Variants in SENP6 observed in about 807,000 individuals in gnomAD.
The protein encoded by SENP6 is SUMO specific peptidase 6.
In SENP6, 41 loss-of-function variants were observed where a neutral mutation model predicts 134.5. The ratio of observed to expected loss-of-function variants is 0.30; its 90% CI spans 0.24 to 0.40. The LOEUF is 0.40. SENP6 is among the 10% of genes least tolerant of loss of function. The probability of loss-of-function intolerance (pLI) is 1.00; values close to 1 mark genes in which losing one functional copy is unlikely to be tolerated. For missense variants in SENP6, 1,248 were observed against 1,312.5 expected (o/e 0.95, Z 0.76); for synonymous variants, 395 against 429.8 (o/e 0.92, Z 1.00).
chr6:75,663,652 C>A, intron 9 of SENP6, 134 bp downstream of exon 9: 1 of 690,660 alleles, frequency 1.4e-6, no homozygotes, highest in African/African-American at 1.8e-5. Context: ...TGTTCTCATC[C>A]TGTCCATCTT....
chr6:75,688,184 G>A (rs1773982168), intron 16 of SENP6, among the ~76,000 whole-genome samples: 1 of 152,236 alleles, frequency 6.6e-6, no homozygotes, highest in African/African-American at 2.4e-5. Context: ...GGCTCCATGG[G>A]CGTGGGAGCC....
intron 3 of SENP6, among the ~76,000 whole-genome samples, chr6:75,627,740 A>G (rs1158299761): frequency 6.6e-6 from 1 of 152,074 alleles, no homozygotes; most frequent in African/African-American, 2.4e-5. Flanking sequence ...CAGTGGTGTG[A>G]TCTCAGCTCA....
chr6:75,640,037 T>G (rs2149842917), intron 5 of SENP6, among the ~76,000 whole-genome samples: 1 of 152,296 alleles, frequency 6.6e-6, no homozygotes, highest in South Asian at 2.1e-4. Context: ...TATGATAACA[T>G]TATTGAATTT....
intron 1 of SENP6, among the ~76,000 whole-genome samples, chr6:75,610,290 A>G (rs898026586): frequency 2.6e-5 from 4 of 152,214 alleles, no homozygotes; most frequent in Admixed American, 1.3e-4. Flanking sequence ...CTAAAAGTAA[A>G]ACAGTATCTT....
intron 3 of SENP6, 40 bp downstream of exon 3, chr6:75,624,000 T>C (rs779633491): frequency 7.4e-6 from 11 of 1,489,506 alleles, no homozygotes; most frequent in Admixed American, 3.8e-5. Context: ...TTACATTATA[T>C]ACAAAAAAAT....
At chr6:75,620,214 A>C (rs1398293391) in intron 1 of SENP6, among the ~76,000 whole-genome samples, 1 of 152,032 alleles carries the variant, frequency 6.6e-6, no homozygotes, top group Non-Finnish European at 1.5e-5. Flanking sequence ...GGATATTTTA[A>C]TTATGGGTTT....
intron 7 of SENP6, among the ~76,000 whole-genome samples, chr6:75,652,246 C>T (rs914878524): frequency 3.3e-5 from 5 of 151,178 alleles, no homozygotes; most frequent in Non-Finnish European, 5.9e-5. Context: ...TTTTTGACCT[C>T]GTGATCCGCC....
chr6:75,696,392 A>G (rs942567325), intron 17 of SENP6, among the ~76,000 whole-genome samples: 1 of 152,208 alleles, frequency 6.6e-6, no homozygotes, highest in Non-Finnish European at 1.5e-5. Context: ...CTAAGAAAGG[A>G]ACCTGTGAAT....
intron 11 of SENP6, 96 bp from the exon 12 acceptor site, chr6:75,675,339 G>A (rs539726984): frequency 1.2e-5 from 8 of 683,090 alleles, no homozygotes; most frequent in Admixed American, 3.1e-5. Context: ...AGAGATAAAC[G>A]AGTAATATAA....
At chr6:75,680,658 T>C (rs1466482040) in intron 16 of SENP6, among the ~76,000 whole-genome samples, 2 of 152,172 alleles carry the variant, frequency 1.3e-5, no homozygotes, top group Non-Finnish European at 2.9e-5. Context: ...AGTATAATTT[T>C]GAGTTCACAA....
intron 7 of SENP6, among the ~76,000 whole-genome samples, chr6:75,651,390 A>C (rs776518048): frequency 6.6e-6 from 1 of 152,128 alleles, no homozygotes. Context: ...GTCTTGCTCT[A>C]TTACCCAGGC....
chr6:75,697,723 C>T, intron 18 of SENP6: 1 of 453,414 alleles, frequency 2.2e-6, no homozygotes, highest in Non-Finnish European at 4.0e-6. Flanking sequence ...AGACAATAGA[C>T]CAGATACCTT....
intron 1 of SENP6, 119 bp downstream of exon 1, chr6:75,602,695 G>C (rs1029381858): frequency 9.7e-6 from 10 of 1,035,272 alleles, no homozygotes; most frequent in African/African-American, 1.6e-5. Context: ...TGAAGTACGA[G>C]GGATGAGCGA....
chr6:75,622,932 TTAAAA>T, intron 2 of SENP6: 2 of 643,042 alleles, frequency 3.1e-6, no homozygotes, highest in Non-Finnish European at 4.5e-6. Context: ...TCTGATTACT[TTAAAA>T]TATAAAACAA....
intron 16 of SENP6, among the ~76,000 whole-genome samples, chr6:75,685,166 A>G (rs1455838737): frequency 1.3e-5 from 2 of 151,650 alleles, no homozygotes; most frequent in Non-Finnish European, 2.9e-5. Context: ...TTTTTTCTAG[A>G]TTTTCTAGAT....
chr6:75,615,439 C>T (rs1767782638), intron 1 of SENP6, among the ~76,000 whole-genome samples: 1 of 152,172 alleles, frequency 6.6e-6, no homozygotes, highest in East Asian at 1.9e-4. Flanking sequence ...CTCGCCCTCC[C>T]AAAGTGCTGG....
At chr6:75,634,380 G>A (rs1769346172) in intron 4 of SENP6, among the ~76,000 whole-genome samples, 1 of 152,054 alleles carries the variant, frequency 6.6e-6, no homozygotes, top group African/African-American at 2.4e-5. Flanking sequence ...CCGAGTAGCT[G>A]GGATTACAGG....
intron 16 of SENP6, among the ~76,000 whole-genome samples, chr6:75,690,969 G>T (rs1475519746): frequency 6.7e-6 from 1 of 150,292 alleles, no homozygotes; most frequent in Non-Finnish European, 1.5e-5. Flanking sequence ...TTCCCAAAGT[G>T]CTGGGATTAC....
At chr6:75,690,724 C>T (rs1431919321) in intron 16 of SENP6, among the ~76,000 whole-genome samples, 49 of 145,460 alleles carry the variant, frequency 3.4e-4, no homozygotes, top group African/African-American at 1.1e-3. Flanking sequence ...ATGAGAGTCT[C>T]GCTCTGTCAC....
Sources: allele counts gnomAD v4.1 joint callset (sites outside exome capture counted in the v4.1 genomes callset), GRCh38; gene constraint gnomAD v4.1.1; transcripts MANE v1.5; gene names NCBI Gene and HGNC (gene_info 2026-07-23, HGNC 2026-07-21).